The following SNRPD1 variants were observed in gnomAD, a reference collection of about 807,000 sequenced individuals.
SNRPD1 encodes the protein small nuclear ribonucleoprotein Sm D1.
A neutral mutation model predicts 14.4 loss-of-function variants in SNRPD1; 1 was observed. That is an observed-to-expected ratio of 0.07 (90% CI 0.02 to 0.33). SNRPD1 has a LOEUF of 0.33. SNRPD1 is among the 10% of genes least tolerant of loss of function. The pLI is 1.00. For synonymous variants in SNRPD1, 42 were observed against 50.3 expected (o/e 0.83, Z 0.70); for missense variants, 52 against 146.4 (o/e 0.36, Z 3.33).
In SNRPD1 at chr18:21,629,367, ATTTTTC is replaced by A. The variant is rs964599607; in HGVS notation, c.*241_*246del. 3 of 441,300 alleles carry A rather than the reference ATTTTTC, an allele frequency of 6.8e-6. No homozygotes were observed. Among genetic ancestry groups the A allele is most frequent in the African/African-American group, 2.0e-5 (1 of 50,092 alleles). The allele number at this position is 441,300 out of a possible 1,614,324, so 27.3% of individuals were successfully genotyped here. On this transcript the variant is annotated 3_prime_UTR_variant, in exon 4 of 4. Coordinates refer to ENST00000300413, the MANE Select transcript of SNRPD1 (RefSeq NM_006938.4). ...TCAGGTTTTAAGTTTTTGAACTAAA[ATTTTTC>A]TTTTTCTTTTTATGATGAATAAGGT...
At chr18:21,612,802 A>C (rs1440035369) in intron 1 of SNRPD1, among the ~76,000 whole-genome samples, 2 of 152,242 alleles carry the variant, frequency 1.3e-5, no homozygotes, top group Non-Finnish European at 2.9e-5. Flanking sequence ...AAGCTGTATG[A>C]GCTTATCTGG....
In SNRPD1 at chr18:21,630,926, A is replaced by G. The variant is rs568959013; in HGVS notation, c.*1788A>G. The G allele has an allele frequency of 6.6e-6, 1 of 150,652 alleles. No individual in the cohort carries two copies. Among genetic ancestry groups the G allele is most frequent in the Non-Finnish European group, 1.5e-5 (1 of 67,750 alleles). 9.3% of individuals were successfully genotyped at this position (150,652 alleles called of 1,614,324 possible). ...TGGTATAAATAAATACTAGATATATATTTTTTTAAGTATCTTACCTCATCA... is the reference window on the plus strand; with the variant it reads ...TGGTATAAATAAATACTAGATATATGTTTTTTTAAGTATCTTACCTCATCA... On this transcript the variant is annotated 3_prime_UTR_variant, in exon 4 of 4. Transcript: ENST00000300413.
In SNRPD1 at chr18:21,622,810, G is replaced by GT; in HGVS notation, c.91+11dup. The stretch of plus-strand genomic sequence containing the variant: ...CCATGGAACAATCACAGGTACGGAG[G>GT]TTGGACTGCTTTTATAACATTTTTT... On this transcript the variant is annotated intron_variant, in intron 2 of 3. Coordinates refer to ENST00000300413, the MANE Select transcript of SNRPD1 (RefSeq NM_006938.4). 2.7e-6 allele frequency: 4 copies of GT among 1,460,366 alleles called. No individual in the cohort carries two copies. The highest frequency in any genetic ancestry group is 1.7e-5 in the Admixed American group (1 of 57,754). 90.5% of individuals were successfully genotyped at this position (1,460,366 alleles called of 1,614,324 possible). A position where few individuals can be genotyped will look rare whatever the true frequency, so the allele number is the denominator to read the frequency against.
At chr18:21,614,203 G>A (rs999914713) in intron 1 of SNRPD1, among the ~76,000 whole-genome samples, 1 of 152,092 alleles carries the variant, frequency 6.6e-6, no homozygotes, top group Non-Finnish European at 1.5e-5. Context: ...ATCCTGGGAG[G>A]TTGCAGTGAG....
chr18:21,627,626 A>G (rs1043944658), intron 3 of SNRPD1, among the ~76,000 whole-genome samples: 1 of 151,128 alleles, frequency 6.6e-6, no homozygotes, highest in African/African-American at 2.4e-5. Context: ...GTTTTACAAC[A>G]CCCCTCCAAC....
chr18:21,630,166 G>A lies in SNRPD1; in HGVS notation c.*1028G>A, dbSNP rs1598495752. On this transcript the variant is annotated 3_prime_UTR_variant, in exon 4 of 4. Coordinates refer to ENST00000300413, the MANE Select transcript of SNRPD1 (RefSeq NM_006938.4). ...CAGTGTTAAAATCTCCTATTAATGT[G>A]TAATGTACCTGTCAGTGCCTCCTTT... The A allele has an allele frequency of 6.6e-6, 1 of 152,288 alleles. No individual in the cohort carries two copies. Among genetic ancestry groups the A allele is most frequent in the East Asian group, 1.9e-4 (1 of 5,182 alleles). 9.4% of individuals were successfully genotyped at this position (152,288 alleles called of 1,614,324 possible). A position where few individuals can be genotyped will look rare whatever the true frequency, so the allele number is the denominator to read the frequency against.
intron 1 of SNRPD1, among the ~76,000 whole-genome samples, chr18:21,619,828 A>G (rs2038984536): frequency 6.6e-6 from 1 of 152,158 alleles, no homozygotes; most frequent in South Asian, 2.1e-4. Context: ...TCTGCCACAC[A>G]GGCTCCAGGG....
At chr18:21,627,552 G>A (rs1174207492) in intron 3 of SNRPD1, among the ~76,000 whole-genome samples, 1 of 146,854 alleles carries the variant, frequency 6.8e-6, no homozygotes, top group Non-Finnish European at 1.5e-5. Context: ...CAGTTCTCCT[G>A]CCTCAACCTC....
Position 21,629,866 on chromosome 18 carries a change from C to T in SNRPD1, c.*728C>T, listed in dbSNP as rs1478001658. On this transcript the variant is annotated 3_prime_UTR_variant, in exon 4 of 4. Coordinates refer to ENST00000300413, the MANE Select transcript of SNRPD1 (RefSeq NM_006938.4). Reference sequence around the variant, plus strand: ...CTCTTCATTCTGTGGCACCTACCCACAGGGGAAGTAAGAAGTTTGTTTTGG... The same window carrying T: ...CTCTTCATTCTGTGGCACCTACCCATAGGGGAAGTAAGAAGTTTGTTTTGG... 2.6e-5 allele frequency: 4 copies of T among 152,168 alleles called. No individual in the cohort carries two copies. Among genetic ancestry groups the T allele is most frequent in the African/African-American group, 9.7e-5 (4 of 41,440 alleles). 9.4% of individuals were successfully genotyped at this position (152,168 alleles called of 1,614,324 possible).
In SNRPD1 at chr18:21,612,320, G is replaced by T. The variant is rs1467709041; in HGVS notation, c.-110G>T. 4.1e-6 allele frequency: 3 copies of T among 732,886 alleles called. No homozygotes were observed. Among genetic ancestry groups the T allele is most frequent in the East Asian group, 3.0e-5 (1 of 33,400 alleles). 45.4% of individuals were successfully genotyped at this position (732,886 alleles called of 1,614,324 possible). A position where few individuals can be genotyped will look rare whatever the true frequency, so the allele number is the denominator to read the frequency against. ...CTGCAGTGCTCCGCGCGCTCTTGAC[G>T]TCCGGAGCCCCTGGAGTAGGCGCTT... On this transcript the variant is annotated 5_prime_UTR_variant, in exon 1 of 4. Transcript: ENST00000300413.
At chr18:21,623,546 T>C (rs73960450) in intron 2 of SNRPD1, among the ~76,000 whole-genome samples, 3,178 of 152,296 alleles carry the variant, frequency 0.021, 117 homozygotes, top group African/African-American at 0.072. Context: ...ATTAGTGTGC[T>C]AGGAAAAATC....
At chr18:21,617,232 G>C (rs2146256736) in intron 1 of SNRPD1, among the ~76,000 whole-genome samples, 1 of 152,014 alleles carries the variant, frequency 6.6e-6, no homozygotes, top group African/African-American at 2.4e-5. Flanking sequence ...AAGGCAGGCA[G>C]ATCACCTGAG....
intron 1 of SNRPD1, among the ~76,000 whole-genome samples, chr18:21,616,020 CTG>C (rs2038954476): frequency 6.6e-6 from 1 of 152,226 alleles, no homozygotes; most frequent in African/African-American, 2.4e-5. Flanking sequence ...GAGTCTCACT[CTG>C]TCACCCAGGC....
intron 1 of SNRPD1, among the ~76,000 whole-genome samples, chr18:21,616,009 G>T (rs146230791): frequency 3.9e-5 from 6 of 151,994 alleles, no homozygotes; most frequent in Non-Finnish European, 7.4e-5. Context: ...TTTTTGAGGC[G>T]GAGTCTCACT....
chr18:21,624,552 G>A (rs1316233822), intron 3 of SNRPD1, among the ~76,000 whole-genome samples: 2 of 151,228 alleles, frequency 1.3e-5, no homozygotes, highest in African/African-American at 2.4e-5. Context: ...AAAATCAGGC[G>A]TGGTGGTGCG....
chr18:21,619,436 C>A (rs1445504497), intron 1 of SNRPD1, among the ~76,000 whole-genome samples: 1 of 151,906 alleles, frequency 6.6e-6, no homozygotes, highest in African/African-American at 2.4e-5. Context: ...CCTGCCTCGC[C>A]CTCCCAAAGT....
chr18:21,616,143 G>T (rs969530927), intron 1 of SNRPD1, among the ~76,000 whole-genome samples: 1 of 151,726 alleles, frequency 6.6e-6, no homozygotes, highest in African/African-American at 2.4e-5. Flanking sequence ...CTGCCACCAC[G>T]CCCGGCTAAT....
Position 21,622,787 on chromosome 18 carries a change from A to G in SNRPD1, c.77A>G (p.His26Arg), listed in dbSNP as rs1163274744. The stretch of plus-strand genomic sequence containing the variant: ...GAATTGAAGAACGGAACACAGGTCC[A>G]TGGAACAATCACAGGTACGGAGGTT... ...TIELKNGTQVHGTITGVDVSM... is the reference protein window; with the variant it reads ...TIELKNGTQVRGTITGVDVSM... The change falls in exon 2 of 4, where the codon CAT (histidine) becomes CGT (arginine). Residue 26 changes from histidine (H) to arginine (R), a missense_variant. By Grantham distance (29) the His-to-Arg change is conservative. Coordinates refer to ENST00000300413, the MANE Select transcript of SNRPD1 (RefSeq NM_006938.4). The G allele has an allele frequency of 1.3e-6, 2 of 1,572,360 alleles. No individual in the cohort carries two copies. Among genetic ancestry groups the G allele is most frequent in the South Asian group, 1.1e-5 (1 of 89,948 alleles).
intron 3 of SNRPD1, among the ~76,000 whole-genome samples, chr18:21,627,183 C>T (rs749634550): frequency 7.0e-4 from 107 of 152,042 alleles, no homozygotes; most frequent in African/African-American, 2.0e-3. Flanking sequence ...GCAGGAGAAT[C>T]GCTTGAACCC....
Sources: allele counts gnomAD v4.1 joint callset (sites outside exome capture counted in the v4.1 genomes callset), GRCh38; gene constraint gnomAD v4.1.1; transcripts MANE v1.5; gene names NCBI Gene and HGNC (gene_info 2026-07-23, HGNC 2026-07-21).